CHST11: variants seen among roughly 807,000 people sequenced by gnomAD.
CHST11 encodes the protein C4S-1.
Under a neutral mutation model 30.4 loss-of-function variants are expected in CHST11, and 9 were observed. That is an observed-to-expected ratio of 0.30 (90% CI 0.18 to 0.52). CHST11 has a LOEUF of 0.52. CHST11 is among the 20% of genes least tolerant of loss of function. The probability of loss-of-function intolerance (pLI) is 0.97; values close to 1 mark genes in which losing one functional copy is unlikely to be tolerated. For missense variants in CHST11, 348 were observed against 460.6 expected (o/e 0.76, Z 2.24); for synonymous variants, 152 against 187.8 (o/e 0.81, Z 1.56).
chr12:104,670,280 A>C (rs1368202028), intron 2 of CHST11, among the ~76,000 whole-genome samples: 1 of 152,068 alleles, frequency 6.6e-6, no homozygotes, highest in African/African-American at 2.4e-5. Context: ...CGAGTCCTCA[A>C]AACCAAGGGG....
intron 2 of CHST11, among the ~76,000 whole-genome samples, chr12:104,712,578 C>T (rs148285302): frequency 6.6e-6 from 1 of 152,254 alleles, no homozygotes; most frequent in East Asian, 1.9e-4. Context: ...GAACTCCATT[C>T]GGAGTTGCCT....
intron 2 of CHST11, among the ~76,000 whole-genome samples, chr12:104,742,627 C>T (rs945907619): frequency 6.6e-6 from 1 of 152,194 alleles, no homozygotes; most frequent in African/African-American, 2.4e-5. Context: ...TGCCCCCCTC[C>T]GGCACCCTGC....
Position 104,499,641 on chromosome 12 carries a change from T to A in CHST11, c.118+42112T>A, listed in dbSNP as rs2037833452. Among the ~76,000 whole-genome samples, 4 of 152,090 alleles carry A rather than the reference T, an allele frequency of 2.6e-5. No homozygotes were observed. In the South Asian group the frequency reaches 8.3e-4, roughly 31 times the overall value. On this transcript the variant is annotated intron_variant, in intron 1 of 2. Coordinates refer to ENST00000303694, the MANE Select transcript of CHST11 (RefSeq NM_018413.6). ...ATTATTATGTAAATCAAATAGACAC[T>A]TAAGTCTGGACAGCAGGTAGCTCAA...
Position 104,457,183 on chromosome 12 carries a change from CCAGCGGGTCCACGCATCT to C in CHST11, c.-224_-207del, listed in dbSNP as rs2037357692. On this transcript the variant is annotated 5_prime_UTR_variant, in exon 1 of 3. Transcript: ENST00000303694. ...GAGGAGGAGGAGCAGGAGCGCGCAG[CCAGCGGGTCCACGCATCT>C]CAGCACTTCCAGACCAACTCCGGCA... is the stretch of plus-strand genomic sequence containing the variant. 5.4e-6 allele frequency: 2 copies of C among 367,408 alleles called. No individual in the cohort carries two copies. The highest frequency in any genetic ancestry group is 9.8e-6 in the Non-Finnish European group (2 of 204,486). 22.8% of individuals were successfully genotyped at this position (367,408 alleles called of 1,614,324 possible). A position where few individuals can be genotyped will look rare whatever the true frequency, so the allele number is the denominator to read the frequency against.
intron 1 of CHST11, among the ~76,000 whole-genome samples, chr12:104,511,101 G>A (rs1015750250): frequency 2.0e-5 from 3 of 152,194 alleles, no homozygotes; most frequent in Admixed American, 2.0e-4. Context: ...AGATAAGGTG[G>A]ACAAAATGCT....
At chr12:104,545,789 G>T (rs902515937) in intron 1 of CHST11, among the ~76,000 whole-genome samples, 1 of 152,074 alleles carries the variant, frequency 6.6e-6, no homozygotes, top group Non-Finnish European at 1.5e-5. Context: ...GTTGAGGATG[G>T]CTGGAGAACT....
chr12:104,738,215 G>A (rs117658021), intron 2 of CHST11, among the ~76,000 whole-genome samples: 2,651 of 152,186 alleles, frequency 0.017, 36 homozygotes, highest in Non-Finnish European at 0.027. Flanking sequence ...GTCATTTTGG[G>A]CATAAAGCCT....
chr12:104,483,619 T>A (rs956188018), intron 1 of CHST11, among the ~76,000 whole-genome samples: 8 of 152,264 alleles, frequency 5.3e-5, no homozygotes, highest in Admixed American at 5.2e-4. Flanking sequence ...AGAGTTCAGA[T>A]ACAAACTCCC....
intron 2 of CHST11, among the ~76,000 whole-genome samples, chr12:104,692,231 G>A (rs1321488460): frequency 6.6e-6 from 1 of 152,250 alleles, no homozygotes. Flanking sequence ...TGCAGCCCAC[G>A]AGCACAGCTG....
At chr12:104,756,533 G>GTGTGTGTGTGTA (rs2040476715) in intron 2 of CHST11, among the ~76,000 whole-genome samples, 1 of 15,508 alleles carries the variant, frequency 6.4e-5, no homozygotes, top group African/African-American at 6.0e-4. Context: ...TCCATGTGGG[G>GTGTGTGTGTGTA]TGTGTGTGTG....
chr12:104,582,010 A>G (rs940946302), intron 1 of CHST11, among the ~76,000 whole-genome samples: 1 of 152,204 alleles, frequency 6.6e-6, no homozygotes, highest in Non-Finnish European at 1.5e-5. Flanking sequence ...TAAGGGATGC[A>G]CTACGTCATT....
rs77527703 is a variant in CHST11, at chr12:104,672,325, C to T, written c.204+70334C>T. ...TGTGTGTGCAGGACTCCATTAGGGG[C>T]CCGGCTGTCCAGCTGTCTTGTGGCA... On this transcript the variant is annotated intron_variant, in intron 2 of 2. Transcript: ENST00000303694. 8.6e-3 allele frequency among the ~76,000 whole-genome samples: 1,303 copies of T among 152,198 alleles called. 17 individuals are homozygous for T. Among genetic ancestry groups the T allele is most frequent in the African/African-American group, 0.03 (1,231 of 41,526 alleles).
chr12:104,708,851 G>C (rs1368174750), intron 2 of CHST11, among the ~76,000 whole-genome samples: 1 of 152,186 alleles, frequency 6.6e-6, no homozygotes, highest in Non-Finnish European at 1.5e-5. Flanking sequence ...ATGCGGCAGG[G>C]GCCCCTCGGG....
rs1473237459 is a variant in CHST11 at position 104,760,974 on chromosome 12, A to G, written c.*3171A>G. On this transcript the variant is annotated 3_prime_UTR_variant, in exon 3 of 3. Transcript: ENST00000303694. ...GGAGAAAAGTACAGGCAGGCGTCCC[A>G]TCTCCCAGCCACTTCTCAAAGGTGC... is the stretch of plus-strand genomic sequence containing the variant. The G allele has an allele frequency of 1.3e-5, 2 of 152,236 alleles. No individual in the cohort carries two copies. Among genetic ancestry groups the G allele is most frequent in the African/African-American group, 4.8e-5 (2 of 41,466 alleles). 9.4% of individuals were successfully genotyped at this position (152,236 alleles called of 1,614,324 possible). A position where few individuals can be genotyped will look rare whatever the true frequency, so the allele number is the denominator to read the frequency against.
intron 1 of CHST11, among the ~76,000 whole-genome samples, chr12:104,565,258 ATTTT>A (rs66825272): frequency 1.4e-5 from 1 of 72,914 alleles, no homozygotes; most frequent in Admixed American, 1.8e-4. Flanking sequence ...GTTTTCTAGG[ATTTT>A]TTTTTTTTTT....
At chr12:104,579,281 A>G (rs1364953057) in intron 1 of CHST11, among the ~76,000 whole-genome samples, 1 of 152,150 alleles carries the variant, frequency 6.6e-6, no homozygotes, top group African/African-American at 2.4e-5. Context: ...TGTAGAGGGA[A>G]TAAGACTAGA....
chr12:104,671,521 C>G (rs1340515384), intron 2 of CHST11, among the ~76,000 whole-genome samples: 7 of 152,184 alleles, frequency 4.6e-5, no homozygotes, highest in Admixed American at 4.6e-4. Flanking sequence ...GCCCACTGCA[C>G]TGTGATCGGT....
At chr12:104,750,758 T>C (rs2463019) in intron 2 of CHST11, among the ~76,000 whole-genome samples, 90,338 of 151,788 alleles carry the variant, frequency 0.6, 27,494 homozygotes, top group Middle Eastern at 0.71. Flanking sequence ...CACATTTTAG[T>C]ACCATTTTAT....
chr12:104,748,841 A>G (rs2136144055), intron 2 of CHST11, among the ~76,000 whole-genome samples: 1 of 152,314 alleles, frequency 6.6e-6, no homozygotes, highest in Non-Finnish European at 1.5e-5. Context: ...TGAGTCAGAA[A>G]TTCTGGGAGG....
Sources: gnomAD v4.1 joint callset for allele counts (sites outside exome capture counted in the v4.1 genomes callset) on GRCh38, gnomAD v4.1.1 for gene constraint, MANE v1.5 for transcripts, NCBI Gene and HGNC (gene_info 2026-07-23, HGNC 2026-07-21) for gene names.